The following LAMA3 variants were observed in gnomAD, a reference collection of about 807,000 sequenced individuals.
LAMA3 encodes the protein laminin subunit alpha 3, also known as laminin subunit alpha-3.
LAMA3 carries 281 observed loss-of-function variants against 402.0 expected under a neutral mutation model. The ratio of observed to expected loss-of-function variants is 0.70; its 90% CI spans 0.63 to 0.77. The LOEUF (loss-of-function observed/expected upper bound fraction) is 0.77, where lower values mean the gene tolerates loss of function less well. Among genes scored for constraint, LAMA3 ranks in the 30% least tolerant of loss-of-function variants. The pLI is 0.00. For missense variants in LAMA3, 3,840 were observed against 4,215.5 expected (o/e 0.91, Z 2.47); for synonymous variants, 1,431 against 1,558.4 (o/e 0.92, Z 1.93).
At chr18:23,846,746 A>G (rs954974015) in intron 31 of LAMA3, among the ~76,000 whole-genome samples, 3 of 152,200 alleles carry the variant, frequency 2.0e-5, no homozygotes, top group South Asian at 4.2e-4. Flanking sequence ...GTTCTAGAAG[A>G]TAAGTATTTG....
chr18:23,907,533 G>A lies in LAMA3; in HGVS notation c.6719-17G>A. 2 of 1,559,816 alleles carry A rather than the reference G, an allele frequency of 1.3e-6. No individual in the cohort carries two copies. The highest frequency in any genetic ancestry group is 3.3e-5 in the Admixed American group (2 of 59,948). On this transcript the variant is annotated splice_polypyrimidine_tract_variant and intron_variant, in intron 52 of 74. Transcript: ENST00000313654. ...ATGCACAAAGTAATTGCCTCCTGAT[G>A]CTTTATTTTATTTTAGAAGTCAGTC...
At chr18:23,711,645 T>G (rs191979974) in intron 1 of LAMA3, among the ~76,000 whole-genome samples, 5 of 152,360 alleles carry the variant, frequency 3.3e-5, no homozygotes, top group Non-Finnish European at 1.5e-5. Flanking sequence ...GTCCTGATTC[T>G]ACCATTGACC....
At chr18:23,720,696 A>G (rs746433922) in intron 2 of LAMA3, among the ~76,000 whole-genome samples, 5 of 152,190 alleles carry the variant, frequency 3.3e-5, no homozygotes, top group Non-Finnish European at 5.9e-5. Context: ...AAGTCAAACA[A>G]TTCATTAGTG....
chr18:23,854,999 AAAAAT>A (rs919727992), intron 32 of LAMA3, among the ~76,000 whole-genome samples: 5 of 112,860 alleles, frequency 4.4e-5, no homozygotes, highest in African/African-American at 5.2e-5. Flanking sequence ...TAAATAAATA[AAAAAT>A]AAAAAAATTT....
intron 12 of LAMA3, among the ~76,000 whole-genome samples, chr18:23,790,275 A>T (rs941010107): frequency 3.3e-5 from 5 of 152,220 alleles, no homozygotes; most frequent in African/African-American, 9.6e-5. Flanking sequence ...AAATCAATTT[A>T]GAGGGTATGG....
chr18:23,863,706 T>C (rs2064282250), intron 35 of LAMA3, among the ~76,000 whole-genome samples: 1 of 152,204 alleles, frequency 6.6e-6, no homozygotes, highest in Non-Finnish European at 1.5e-5. Flanking sequence ...TTCTTTCCCC[T>C]GCCTGCTCTA....
chr18:23,887,753 C>T (rs895265223), intron 41 of LAMA3, among the ~76,000 whole-genome samples: 44 of 152,278 alleles, frequency 2.9e-4, no homozygotes, highest in Admixed American at 1.4e-3. Context: ...GGGAGGGTTT[C>T]GCAAAGGCTT....
chr18:23,725,310 C>T (rs1003411174), intron 2 of LAMA3, among the ~76,000 whole-genome samples: 5 of 152,148 alleles, frequency 3.3e-5, no homozygotes, highest in South Asian at 2.1e-4. Context: ...GGGGTTCCAC[C>T]GTGTTGGTCA....
At position 23,914,346 on chromosome 18, in the gene LAMA3, C is replaced by T. The variant is rs1405746414; in HGVS notation, c.7330-64C>T. On this transcript the variant is annotated intron_variant, in intron 56 of 74. Coordinates refer to ENST00000313654, the MANE Select transcript of LAMA3 (RefSeq NM_198129.4). ...TAGTTATTTGAAATGCATCCTCATC[C>T]TCTTGGGATGGGAATTTGAGAAACC... 1.9e-6 allele frequency: 3 copies of T among 1,578,396 alleles called. No homozygotes were observed. The East Asian group carries it at 6.7e-5, about 35-fold the overall frequency.
Position 23,954,903 on chromosome 18 carries a change from G to T in LAMA3, c.*255G>T. On this transcript the variant is annotated 3_prime_UTR_variant, in exon 75 of 75. Transcript: ENST00000313654. ...AATTGTTATGCACAGAATGTTTTTG[G>T]TAATATTAATTTCCACTAAAAAATT... 2.2e-6 allele frequency: 1 copy of T among 445,226 alleles called. No homozygotes were observed. Among genetic ancestry groups the T allele is most frequent in the Non-Finnish European group, 4.0e-6 (1 of 247,774 alleles). The allele number at this position is 445,226 out of a possible 1,614,324, so 27.6% of individuals were successfully genotyped here.
chr18:23,902,374 T>C (rs1158016042), intron 48 of LAMA3, among the ~76,000 whole-genome samples: 1 of 152,040 alleles, frequency 6.6e-6, no homozygotes, highest in African/African-American at 2.4e-5. Flanking sequence ...AGCGGTTTTA[T>C]AGGGTTACAA....
intron 38 of LAMA3, chr18:23,872,799 G>T: frequency 3.8e-6 from 2 of 532,952 alleles, no homozygotes; most frequent in South Asian, 4.0e-5. Context: ...GCGTCTGCAG[G>T]GTGAGGTGGG....
rs911690082 is a variant in LAMA3 at position 23,690,208 on chromosome 18, T to G, written c.294+231T>G. Among the ~76,000 whole-genome samples, 3 of 152,272 alleles carry G rather than the reference T, an allele frequency of 2.0e-5. No individual in the cohort carries two copies. The East Asian group carries it at 5.8e-4, about 30-fold the overall frequency. Reference sequence around the variant, plus strand: ...AGGAGGGGGAGCACGCGAGGTGACATGAGGCTGTGGTCAGGTTCGGGCTGG... The same window carrying G: ...AGGAGGGGGAGCACGCGAGGTGACAGGAGGCTGTGGTCAGGTTCGGGCTGG... On this transcript the variant is annotated intron_variant, in intron 1 of 74. Coordinates refer to ENST00000313654, the MANE Select transcript of LAMA3 (RefSeq NM_198129.4).
chr18:23,802,939 G>T (rs1160452091), intron 12 of LAMA3, among the ~76,000 whole-genome samples: 1 of 152,124 alleles, frequency 6.6e-6, no homozygotes. Context: ...GTTTTCAAAA[G>T]GCCATTCCAC....
intron 12 of LAMA3, among the ~76,000 whole-genome samples, chr18:23,809,452 C>G (rs1399363358): frequency 6.6e-6 from 1 of 152,190 alleles, no homozygotes; most frequent in Non-Finnish European, 1.5e-5. Context: ...TCTTTCAGTT[C>G]TTAAGATGTA....
intron 20 of LAMA3, among the ~76,000 whole-genome samples, chr18:23,823,541 G>T (rs1282849244): frequency 1.3e-5 from 2 of 152,132 alleles, no homozygotes; most frequent in Non-Finnish European, 2.9e-5. Context: ...TGTCCAAACT[G>T]TACCACATTT....
chr18:23,860,214 C>T (rs563595170), intron 34 of LAMA3, among the ~76,000 whole-genome samples: 1 of 151,768 alleles, frequency 6.6e-6, no homozygotes, highest in East Asian at 1.9e-4. Flanking sequence ...GTTTTGCTTT[C>T]CTTCTCACCT....
chr18:23,861,134 G>A (rs2064209455), intron 34 of LAMA3, among the ~76,000 whole-genome samples: 1 of 151,616 alleles, frequency 6.6e-6, no homozygotes, highest in African/African-American at 2.4e-5. Context: ...CTGGGAACCA[G>A]AAAGCATTAA....
intron 54 of LAMA3, 24 bp downstream of exon 54, chr18:23,907,959 A>C (rs1392029629): frequency 6.2e-7 from 1 of 1,610,444 alleles, no homozygotes; most frequent in East Asian, 2.2e-5. Flanking sequence ...TCTGGCCAGG[A>C]CATCTTAGCC....
Sources: gnomAD v4.1 joint callset for allele counts (sites outside exome capture counted in the v4.1 genomes callset) on GRCh38, gnomAD v4.1.1 for gene constraint, MANE v1.5 for transcripts, NCBI Gene and HGNC (gene_info 2026-07-23, HGNC 2026-07-21) for gene names.